The following TNRC6C variants were observed in gnomAD, a reference collection of about 807,000 sequenced individuals.
The protein encoded by TNRC6C is trinucleotide repeat containing adaptor 6C, also known as trinucleotide repeat-containing gene 6C protein.
A neutral mutation model predicts 153.7 loss-of-function variants in TNRC6C; 20 were observed. The ratio of observed to expected loss-of-function variants is 0.13; its 90% CI spans 0.09 to 0.19. The LOEUF is 0.19. TNRC6C is among the 10% of genes least tolerant of loss of function. The pLI, the probability that TNRC6C is intolerant of heterozygous loss-of-function variation, is 1.00. For missense variants in TNRC6C, 1,987 were observed against 2,172.0 expected (o/e 0.91, Z 1.69); for synonymous variants, 811 against 841.4 (o/e 0.96, Z 0.63).
At chr17:78,041,514 T>C (rs1567930520) in intron 2 of TNRC6C, among the ~76,000 whole-genome samples, 1 of 152,236 alleles carries the variant, frequency 6.6e-6, no homozygotes, top group Non-Finnish European at 1.5e-5. Context: ...AACAAACTTA[T>C]TCTTTTGGAC....
At chr17:78,100,243 G>C (rs1274923858) in intron 17 of TNRC6C, among the ~76,000 whole-genome samples, 1 of 152,344 alleles carries the variant, frequency 6.6e-6, no homozygotes, top group East Asian at 1.9e-4. Context: ...TGGTGCCCCA[G>C]TAGGGACTTT....
chr17:77,986,263 A>C (rs187633055), intron 1 of TNRC6C, among the ~76,000 whole-genome samples: 5 of 152,146 alleles, frequency 3.3e-5, no homozygotes, highest in African/African-American at 1.2e-4. Flanking sequence ...TAAAAATACA[A>C]AATTAGCCAG....
chr17:78,086,963 G>A, exon 13 of TNRC6C: 1 of 1,613,602 alleles, frequency 6.2e-7, no homozygotes, highest in Non-Finnish European at 8.5e-7. Flanking sequence ...CGCCGCACCT[G>A]TCTCTGCACC....
At chr17:78,083,223 A>G in intron 11 of TNRC6C, 57 bp downstream of exon 13, 3 of 1,606,806 alleles carry the variant, frequency 1.9e-6, no homozygotes, top group Non-Finnish European at 2.5e-6. Context: ...GATGCACGGC[A>G]CCTGCTGAGA....
At chr17:78,103,112 C>T (rs547307474) in intron 18 of TNRC6C, among the ~76,000 whole-genome samples, 1 of 152,346 alleles carries the variant, frequency 6.6e-6, no homozygotes, top group Non-Finnish European at 1.5e-5. Context: ...GTGCCTTTTG[C>T]AAACCAGAGG....
chr17:77,961,157 CTTTTTT>C (rs1219661580), intron 1 of TNRC6C, among the ~76,000 whole-genome samples: 2 of 136,472 alleles, frequency 1.5e-5, no homozygotes, highest in Non-Finnish European at 3.2e-5. Context: ...CTCGGTTTTA[CTTTTTT>C]TTTTTTTTTT....
At chr17:78,050,415 G>C in exon 3 of TNRC6C, 2 of 1,614,046 alleles carry the variant, frequency 1.2e-6, no homozygotes, top group Non-Finnish European at 8.5e-7. Context: ...GTTGGGGACA[G>C]ACTCCTGTAA....
At chr17:77,993,033 T>C (rs1158438178) in intron 1 of TNRC6C, among the ~76,000 whole-genome samples, 1 of 152,202 alleles carries the variant, frequency 6.6e-6, no homozygotes, top group East Asian at 1.9e-4. Context: ...TGGCACGAAC[T>C]TGGCTCACTG....
chr17:77,968,928 A>T (rs1332998950), intron 1 of TNRC6C, among the ~76,000 whole-genome samples: 3 of 152,094 alleles, frequency 2.0e-5, no homozygotes, highest in Non-Finnish European at 4.4e-5. Context: ...TTGGGAGTAG[A>T]GAGAGACCTG....
intron 11 of TNRC6C, among the ~76,000 whole-genome samples, chr17:78,084,896 T>A (rs2073252286): frequency 6.6e-6 from 1 of 152,128 alleles, no homozygotes; most frequent in Admixed American, 6.5e-5. Context: ...ACTCCCAAAG[T>A]GCTGGGATTA....
In TNRC6C at chr17:78,083,029, A is replaced by G. The variant is rs759929658; in HGVS notation, c.3358-18A>G. The G allele has an allele frequency of 6.2e-7, 1 of 1,613,298 alleles. No homozygotes were observed. The highest frequency in any genetic ancestry group is 1.1e-5 in the South Asian group (1 of 91,072). ...TAACAGAGATACAACGGCTAATAGT[A>G]TATTTTATGTTAAACAGGTTCAAGC... On this transcript the variant is annotated intron_variant, in intron 10 of 19. Transcript: ENST00000301624.
At chr17:78,006,189 G>A (rs890137616) in intron 1 of TNRC6C, among the ~76,000 whole-genome samples, 2 of 152,152 alleles carry the variant, frequency 1.3e-5, no homozygotes, top group African/African-American at 2.4e-5. Context: ...CCAGTTAATG[G>A]TAAAGGCAAG....
chr17:78,043,666 C>T (rs1445756467), intron 2 of TNRC6C, among the ~76,000 whole-genome samples: 1 of 151,984 alleles, frequency 6.6e-6, no homozygotes, highest in East Asian at 1.9e-4. Context: ...ATTACTAGGT[C>T]TTATTTATTC....
intron 1 of TNRC6C, chr17:78,008,321 G>A (rs1473743439): frequency 1.3e-5 from 2 of 152,090 alleles, no homozygotes; most frequent in Non-Finnish European, 2.9e-5. Flanking sequence ...TTTTGTTCCT[G>A]GCTATCTTTT....
chr17:78,098,334 C>T lies in TNRC6C; in HGVS notation c.4307-9C>T. On this transcript the variant is annotated splice_polypyrimidine_tract_variant and intron_variant, in intron 16 of 19. Transcript: ENST00000301624. ...AGACTGCATATGCTCCATCTCTCTG[C>T]CTTTCTAGGTAAACTGTCAGACATC... 6.2e-7 allele frequency: 1 copy of T among 1,603,628 alleles called. No homozygotes were observed. Among genetic ancestry groups the T allele is most frequent in the South Asian group, 1.1e-5 (1 of 89,610 alleles).
chr17:78,014,669 A>G (rs1005377775), intron 1 of TNRC6C, among the ~76,000 whole-genome samples: 1 of 150,352 alleles, frequency 6.7e-6, no homozygotes, highest in African/African-American at 2.5e-5. Flanking sequence ...TACCTTTTAG[A>G]GAGGTAACTG....
At chr17:78,091,298 C>T in intron 13 of TNRC6C, 142 bp from the exon 16 acceptor site, 2 of 951,930 alleles carry the variant, frequency 2.1e-6, no homozygotes, top group Admixed American at 8.3e-5. Context: ...TGCACTCCAG[C>T]CTGGGCATCA....
intron 1 of TNRC6C, among the ~76,000 whole-genome samples, chr17:77,978,879 G>A (rs1197206439): frequency 6.6e-6 from 1 of 152,160 alleles, no homozygotes; most frequent in Non-Finnish European, 1.5e-5. Context: ...GGCTGAAATA[G>A]ATTAAAGTGA....
intron 3 of TNRC6C, among the ~76,000 whole-genome samples, chr17:78,054,848 A>G (rs4789526): frequency 0.23 from 34,936 of 151,014 alleles, 3,962 homozygotes; most frequent in African/African-American, 0.29. Context: ...ACCACTGCAG[A>G]CTACTGTACA....
Sources: gnomAD v4.1 joint callset for allele counts (sites outside exome capture counted in the v4.1 genomes callset) on GRCh38, gnomAD v4.1.1 for gene constraint, MANE v1.5 for transcripts, NCBI Gene and HGNC (gene_info 2026-07-23, HGNC 2026-07-21) for gene names.